The following SORBS2 variants were observed in gnomAD, a reference collection of about 807,000 sequenced individuals.
SORBS2 encodes the protein sorbin and SH3 domain containing 2, also known as sorbin and SH3 domain-containing protein 2.
In SORBS2, 46 loss-of-function variants were observed where a neutral mutation model predicts 97.7. That is an observed-to-expected ratio of 0.47 (90% CI 0.37 to 0.60). SORBS2 has a LOEUF of 0.60. Among genes scored for constraint, SORBS2 ranks in the 20% least tolerant of loss-of-function variants. The pLI is 0.00. For missense variants in SORBS2, 1,316 were observed against 1,282.3 expected (o/e 1.03, Z -0.40); for synonymous variants, 476 against 473.4 (o/e 1.01, Z -0.07).
chr4:185,917,320 G>C (rs1399477315), intron 1 of SORBS2, among the ~76,000 whole-genome samples: 1 of 152,130 alleles, frequency 6.6e-6, no homozygotes, highest in Non-Finnish European at 1.5e-5. Flanking sequence ...TCCGCCTCCC[G>C]GGCTCAAGGG....
intron 2 of SORBS2, among the ~76,000 whole-genome samples, chr4:185,694,108 T>C (rs991044761): frequency 6.6e-6 from 1 of 152,206 alleles, no homozygotes; most frequent in African/African-American, 2.4e-5. Context: ...CTAATAAAAA[T>C]GCACGATTCT....
At chr4:185,793,451 G>A (rs1382471695) in intron 1 of SORBS2, among the ~76,000 whole-genome samples, 1 of 152,236 alleles carries the variant, frequency 6.6e-6, no homozygotes, top group Non-Finnish European at 1.5e-5. Flanking sequence ...AGATACAAGA[G>A]TGTGTTTGTT....
intron 2 of SORBS2, among the ~76,000 whole-genome samples, chr4:185,699,894 C>T (rs969488584): frequency 2.6e-5 from 4 of 152,136 alleles, no homozygotes; most frequent in Non-Finnish European, 5.9e-5. Context: ...AAATTCTTTA[C>T]ATTTCTCTAT....
chr4:185,941,863 C>A (rs561403455), intron 1 of SORBS2, among the ~76,000 whole-genome samples: 1 of 152,240 alleles, frequency 6.6e-6, no homozygotes, highest in Non-Finnish European at 1.5e-5. Flanking sequence ...CACCTGTAAT[C>A]TCAGTACTTT....
chr4:185,651,637 C>A (rs4862557), intron 2 of SORBS2, 147 bp downstream of exon 11: 1 of 667,376 alleles, frequency 1.5e-6, no homozygotes, highest in African/African-American at 1.9e-5. Flanking sequence ...TTGTTATGCA[C>A]GCTCTGAGAA....
upstream of SORBS2, among the ~76,000 whole-genome samples, chr4:185,659,787 A>T (rs17076654): frequency 0.14 from 20,591 of 152,186 alleles, 1,514 homozygotes; most frequent in Middle Eastern, 0.22. Flanking sequence ...AATTCCAAAA[A>T]GGACTTGAGT....
chr4:185,931,913 TAA>T (rs535075395), intron 1 of SORBS2, among the ~76,000 whole-genome samples: 305 of 150,500 alleles, frequency 2.0e-3, no homozygotes, highest in African/African-American at 7.0e-3. Flanking sequence ...AGAAAGTGAG[TAA>T]AAGTGTGTGG....
At chr4:185,739,100 A>G (rs1455618048) in intron 2 of SORBS2, among the ~76,000 whole-genome samples, 1 of 152,240 alleles carries the variant, frequency 6.6e-6, no homozygotes, top group Non-Finnish European at 1.5e-5. Flanking sequence ...ACTTGTCTCC[A>G]CCCTGGTGTT....
At chr4:185,761,153 C>T (rs2098886493) in intron 2 of SORBS2, among the ~76,000 whole-genome samples, 1 of 152,310 alleles carries the variant, frequency 6.6e-6, no homozygotes, top group African/African-American at 2.4e-5. Context: ...AAAGCAAACA[C>T]CTGAACATAT....
rs2096740799 is a variant in SORBS2 at position 185,622,905 on chromosome 4, C to T, written c.2215+9G>A. On this transcript the variant is annotated intron_variant, in intron 7 of 14. Coordinates refer to ENST00000418609, the Ensembl canonical transcript of SORBS2. ...AACCACAAGGAAAAAGAAAGAAAAGCTCATCCACCTTGGAGTGCACCGCCA... is the reference window on the plus strand; with the variant it reads ...AACCACAAGGAAAAAGAAAGAAAAGTTCATCCACCTTGGAGTGCACCGCCA... 1.3e-6 allele frequency: 2 copies of T among 1,574,470 alleles called. No individual in the cohort carries two copies. Among genetic ancestry groups the T allele is most frequent in the African/African-American group, 1.4e-5 (1 of 73,164 alleles).
chr4:185,900,103 A>G (rs2099246935), intron 1 of SORBS2, among the ~76,000 whole-genome samples: 1 of 152,224 alleles, frequency 6.6e-6, no homozygotes, highest in South Asian at 2.1e-4. Context: ...ACTCCAGCTC[A>G]GGCAATATAG....
intron 12 of SORBS2, among the ~76,000 whole-genome samples, chr4:185,599,847 T>A (rs2096213503): frequency 6.6e-6 from 1 of 152,104 alleles, no homozygotes; most frequent in Admixed American, 6.5e-5. Flanking sequence ...AGCCTCACTT[T>A]AAGGCCAGTT....
chr4:185,639,112 G>C, intron 4 of SORBS2, 77 bp from the exon 14 acceptor site: 8 of 1,320,846 alleles, frequency 6.1e-6, no homozygotes, highest in Non-Finnish European at 6.1e-6. Flanking sequence ...CCCTGGCAGC[G>C]CGCTGTGCCT....
intron 1 of SORBS2, among the ~76,000 whole-genome samples, chr4:185,836,548 G>A (rs190693764): frequency 3.4e-4 from 51 of 152,216 alleles, no homozygotes; most frequent in African/African-American, 9.6e-5. Flanking sequence ...TAGGGAAATC[G>A]CTCATTTCTT....
intron 1 of SORBS2, among the ~76,000 whole-genome samples, chr4:185,848,913 C>T (rs1337427246): frequency 6.6e-6 from 1 of 152,052 alleles, no homozygotes; most frequent in Non-Finnish European, 1.5e-5. Context: ...GTGAGATGAA[C>T]CAAACTAAAA....
chr4:185,656,177 C>T (rs190282234), intron 1 of SORBS2, among the ~76,000 whole-genome samples: 4 of 152,282 alleles, frequency 2.6e-5, no homozygotes, highest in South Asian at 2.1e-4. Context: ...ATATGGCAAT[C>T]GTCAGTTTCA....
chr4:185,928,577 G>C (rs146646630), intron 1 of SORBS2, among the ~76,000 whole-genome samples: 1 of 152,040 alleles, frequency 6.6e-6, no homozygotes, highest in East Asian at 1.9e-4. Flanking sequence ...ACGGAGTTTT[G>C]CTCTGTTGCC....
chr4:185,689,231 T>C (rs141979185), intron 2 of SORBS2, among the ~76,000 whole-genome samples: 9 of 152,302 alleles, frequency 5.9e-5, no homozygotes, highest in African/African-American at 1.7e-4. Context: ...TGAGGAATAC[T>C]GGGAGTTATG....
At chr4:185,631,949 T>C (rs920075278) in intron 4 of SORBS2, among the ~76,000 whole-genome samples, 7 of 152,250 alleles carry the variant, frequency 4.6e-5, no homozygotes, top group African/African-American at 1.7e-4. Context: ...AAAACATTTG[T>C]CTGTATGAAA....
Sources: allele counts gnomAD v4.1 joint callset (sites outside exome capture counted in the v4.1 genomes callset), GRCh38; gene constraint gnomAD v4.1.1; transcripts MANE v1.5; gene names NCBI Gene and HGNC (gene_info 2026-07-23, HGNC 2026-07-21).